ARHGAP32: variants seen among roughly 807,000 people sequenced by gnomAD.
The protein encoded by ARHGAP32 is Rho GTPase activating protein 32.
Under a neutral mutation model 186.5 loss-of-function variants are expected in ARHGAP32, and 51 were observed. The ratio of observed to expected loss-of-function variants is 0.27; its 90% CI spans 0.22 to 0.35. The LOEUF (loss-of-function observed/expected upper bound fraction) is 0.35, where lower values mean the gene tolerates loss of function less well. ARHGAP32 is among the 10% of genes least tolerant of loss of function. ARHGAP32 has a pLI of 1.00. For synonymous variants in ARHGAP32, 950 were observed against 964.3 expected, an observed-to-expected ratio of 0.99 and a Z score of 0.27; for missense variants, 2,186 against 2,623.5, an observed-to-expected ratio of 0.83 and a Z score of 3.64.
rs542407649 is a variant in ARHGAP32, at chr11:129,212,638, C to T, written c.-4-48211G>A. ...TACCACAGTTGGCAGAATGTTATTG[C>T]TCCAATAGTACATAGTCTAGTACAA... On this transcript the variant is annotated intron_variant, in intron 1 of 6. Transcript: ENST00000525234. Among the ~76,000 whole-genome samples the T allele has an allele frequency of 7.2e-5, 11 of 152,222 alleles. No individual in the cohort carries two copies. In the South Asian group the frequency reaches 1.9e-3, roughly 26 times the overall value.
chr11:129,050,502 G>A (rs1053747169), intron 10 of ARHGAP32, among the ~76,000 whole-genome samples: 2 of 152,104 alleles, frequency 1.3e-5, no homozygotes, highest in Non-Finnish European at 2.9e-5. Context: ...TACTGAGCTT[G>A]CCCAGTGAGA....
At chr11:129,016,838 C>T (rs1938365782) in intron 11 of ARHGAP32, among the ~76,000 whole-genome samples, 1 of 152,156 alleles carries the variant, frequency 6.6e-6, no homozygotes, top group South Asian at 2.1e-4. Context: ...CTTTCTTTTC[C>T]ATGAACATAA....
chr11:129,009,526 C>A (rs1394080724), intron 11 of ARHGAP32, among the ~76,000 whole-genome samples: 5 of 152,124 alleles, frequency 3.3e-5, no homozygotes, highest in African/African-American at 1.2e-4. Flanking sequence ...GTGTGTTGTT[C>A]CCCCCATGCA....
In ARHGAP32 at chr11:128,967,267, T is replaced by G. The variant is rs895356057; in HGVS notation, c.*1640A>C. ...TTCACAGCAATAATAGCAGCATGAT[T>G]TTAGCCTCTTAAAAGATTTCCTCCT... On this transcript the variant is annotated 3_prime_UTR_variant, in exon 23 of 23. Transcript: ENST00000682385. The G allele has an allele frequency of 6.6e-6, 1 of 152,226 alleles. No homozygotes were observed. The highest frequency in any genetic ancestry group is 6.5e-5 in the Admixed American group (1 of 15,286). The allele number at this position is 152,226 out of a possible 1,614,324, so 9.4% of individuals were successfully genotyped here. A position where few individuals can be genotyped will look rare whatever the true frequency, so the allele number is the denominator to read the frequency against.
At chr11:129,195,456 T>C (rs994846106), upstream of ARHGAP32, among the ~76,000 whole-genome samples, 2 of 152,158 alleles carry the variant, frequency 1.3e-5, no homozygotes, top group African/African-American at 4.8e-5. Context: ...CCGAGGCTTG[T>C]TCTGTTTTGA....
At position 129,270,708 on chromosome 11, in the gene ARHGAP32, G is replaced by A. The variant is rs117515480; in HGVS notation, c.-5+8438C>T. On this transcript the variant is annotated intron_variant, in intron 1 of 6. Coordinates refer to the ARHGAP32 transcript ENST00000525234. The stretch of plus-strand genomic sequence containing the variant: ...TCTGCACCTTTAGCTCGGTTTTGCT[G>A]TGAACGTAAAAATAGTCTACTTAAA... 1.7e-3 allele frequency among the ~76,000 whole-genome samples: 263 copies of A among 151,602 alleles called. 7 individuals carry two copies. The East Asian group carries it at 0.039, about 22-fold the overall frequency.
chr11:128,995,558 T>C (rs1239094308), intron 12 of ARHGAP32, among the ~76,000 whole-genome samples: 1 of 152,164 alleles, frequency 6.6e-6, no homozygotes, highest in African/African-American at 2.4e-5. Flanking sequence ...CATTCCCCTG[T>C]ATGGGTGTGG....
chr11:128,972,017 G>C (rs1456330482), intron 22 of ARHGAP32: 2 of 153,086 alleles, frequency 1.3e-5, no homozygotes, highest in Non-Finnish European at 2.9e-5. Flanking sequence ...AATGTTTTGA[G>C]AATGAAGTAT....
chr11:129,256,015 T>C (rs1945249698), intron 1 of ARHGAP32, among the ~76,000 whole-genome samples: 1 of 152,164 alleles, frequency 6.6e-6, no homozygotes, highest in South Asian at 2.1e-4. Flanking sequence ...AATGAGAATG[T>C]ATATAATTAC....
intron 10 of ARHGAP32, among the ~76,000 whole-genome samples, chr11:129,054,680 T>C (rs1008822292): frequency 8.5e-5 from 13 of 152,194 alleles, no homozygotes; most frequent in African/African-American, 3.1e-4. Context: ...TGCCAGTTAG[T>C]TTAAAAATAA....
At position 129,177,398 on chromosome 11, in the gene ARHGAP32, G is replaced by A. The variant is rs1016065319; in HGVS notation, c.117-12971C>T. 2.6e-5 allele frequency among the ~76,000 whole-genome samples: 4 copies of A among 152,118 alleles called. No homozygotes were observed. The East Asian group carries it at 5.8e-4, about 22-fold the overall frequency. ...TACCATTCCTTCTGAAACTATTCCA[G>A]TCAATAAAAAAAGAGGGAATCCTCC... On this transcript the variant is annotated intron_variant, in intron 1 of 22. Coordinates refer to ENST00000682385, the MANE Select transcript of ARHGAP32 (RefSeq NM_001378024.1).
At chr11:129,043,415 T>C (rs1355343958) in intron 10 of ARHGAP32, among the ~76,000 whole-genome samples, 1 of 146,216 alleles carries the variant, frequency 6.8e-6, no homozygotes, top group African/African-American at 2.6e-5. Context: ...CAACGGAGGT[T>C]CGTTCTTGTT....
At chr11:129,072,160 T>TA (rs1443011460) in intron 6 of ARHGAP32, among the ~76,000 whole-genome samples, 7 of 152,128 alleles carry the variant, frequency 4.6e-5, no homozygotes, top group Non-Finnish European at 7.4e-5. Flanking sequence ...TATGAATCAC[T>TA]AAAAAAAGAA....
At chr11:129,083,094 AT>A (rs1313002121) in intron 6 of ARHGAP32, among the ~76,000 whole-genome samples, 5 of 152,238 alleles carry the variant, frequency 3.3e-5, no homozygotes, top group African/African-American at 1.2e-4. Flanking sequence ...AAATAAAAAA[AT>A]AACATGTTGG....
intron 1 of ARHGAP32, among the ~76,000 whole-genome samples, chr11:129,189,112 A>C (rs181614159): frequency 6.6e-6 from 1 of 152,078 alleles, no homozygotes; most frequent in East Asian, 1.9e-4. Context: ...TAACCTCCTC[A>C]AAAAAAAGGA....
chr11:129,112,236 CA>C (rs35290084), intron 5 of ARHGAP32, among the ~76,000 whole-genome samples: 185 of 140,092 alleles, frequency 1.3e-3, no homozygotes, highest in Middle Eastern at 7.4e-3. Context: ...GAGCAAGACT[CA>C]AAAAAAAAAA....
At chr11:129,221,998 A>G (rs989360804) in intron 1 of ARHGAP32, among the ~76,000 whole-genome samples, 1 of 152,056 alleles carries the variant, frequency 6.6e-6, no homozygotes, top group African/African-American at 2.4e-5. Flanking sequence ...GCAGGACCCA[A>G]AGAATCCTGC....
chr11:128,995,530 G>A (rs930236268), intron 12 of ARHGAP32, among the ~76,000 whole-genome samples: 2 of 152,190 alleles, frequency 1.3e-5, no homozygotes, highest in Non-Finnish European at 2.9e-5. Flanking sequence ...ATTTTTAACA[G>A]CTTCAACATT....
intron 11 of ARHGAP32, among the ~76,000 whole-genome samples, chr11:129,017,877 T>C (rs1819078518): frequency 6.6e-6 from 1 of 152,174 alleles, no homozygotes; most frequent in Non-Finnish European, 1.5e-5. Context: ...CCCCAATTGC[T>C]AAGATATATA....
Sources: gnomAD v4.1 joint callset for allele counts (sites outside exome capture counted in the v4.1 genomes callset) on GRCh38, gnomAD v4.1.1 for gene constraint, MANE v1.5 for transcripts, NCBI Gene and HGNC (gene_info 2026-07-23, HGNC 2026-07-21) for gene names.